PSPC1: variants seen among roughly 807,000 people sequenced by gnomAD.
PSPC1 encodes paraspeckle component 1.
In PSPC1, 14 loss-of-function variants were observed where a neutral mutation model predicts 51.6. That is an observed-to-expected ratio of 0.27 (90% confidence interval 0.18 to 0.42). The LOEUF (loss-of-function observed/expected upper bound fraction) is 0.42. PSPC1 is among the 10% of genes least tolerant of loss of function. The pLI is 1.00. For synonymous variants in PSPC1, 193 were observed against 231.9 expected (o/e 0.83, Z 1.53); for missense variants, 406 against 701.1 (o/e 0.58, Z 4.75).
At chr13:19,723,611 A>C (rs1408279919) in intron 6 of PSPC1, among the ~76,000 whole-genome samples, 1 of 152,216 alleles carries the variant, frequency 6.6e-6, no homozygotes, top group Non-Finnish European at 1.5e-5. Flanking sequence ...AGGAGTGATC[A>C]AATAACTCAA....
intron 4 of PSPC1, among the ~76,000 whole-genome samples, chr13:19,743,205 A>G (rs190786066): frequency 1.2e-4 from 19 of 152,320 alleles, no homozygotes; most frequent in Non-Finnish European, 1.5e-5. Context: ...AAATAATAAA[A>G]TGTTAAAATA....
At chr13:19,773,789 T>C (rs1888837048) in intron 1 of PSPC1, among the ~76,000 whole-genome samples, 1 of 151,724 alleles carries the variant, frequency 6.6e-6, no homozygotes, top group South Asian at 2.1e-4. Context: ...AGTAGCTGGG[T>C]TTCCGGGTGC....
chr13:19,732,324 G>A (rs1442845496), intron 5 of PSPC1, among the ~76,000 whole-genome samples: 1 of 152,012 alleles, frequency 6.6e-6, no homozygotes, highest in Non-Finnish European at 1.5e-5. Context: ...CACATTCATG[G>A]GTGTGGGTGG....
rs574226880 is a variant in PSPC1 at position 19,679,715 on chromosome 13, A to T, written c.1159-1892T>A. ...AGCATTTTATATCAGGAACTTCAGG[A>T]TCTGCAGATTTTGATATTCATGGGG... is the stretch of plus-strand genomic sequence containing the variant. On this transcript the variant is annotated intron_variant and NMD_transcript_variant, in intron 6 of 7. Coordinates refer to the PSPC1 transcript ENST00000471658. Among the ~76,000 whole-genome samples the T allele has an allele frequency of 5.9e-5, 9 of 152,266 alleles. No individual in the cohort carries two copies. The East Asian group carries it at 1.7e-3, about 29-fold the overall frequency.
chr13:19,710,742 T>C lies in PSPC1; in HGVS notation c.1159-1143A>G, dbSNP rs188164194. On this transcript the variant is annotated intron_variant, in intron 6 of 8. Transcript: ENST00000338910. The stretch of plus-strand genomic sequence containing the variant: ...TAATCCTAATGAAGCTACGGTACAA[T>C]GAATGAAGCTACGGTACAACAAAAA... 4.6e-3 allele frequency among the ~76,000 whole-genome samples: 694 copies of C among 152,226 alleles called. 5 individuals are homozygous for C. The highest frequency in any genetic ancestry group is 0.027 in the South Asian group (128 of 4,824).
intron 6 of PSPC1, among the ~76,000 whole-genome samples, chr13:19,694,511 A>G (rs1189983141): frequency 6.6e-6 from 1 of 152,240 alleles, no homozygotes; most frequent in African/African-American, 2.4e-5. Flanking sequence ...GAAATTTTAC[A>G]TTCTTTTCTT....
Position 19,709,615 on chromosome 13 carries a change from G to C in PSPC1, c.1159-16C>G. The C allele has an allele frequency of 1.3e-6, 2 of 1,580,596 alleles. No homozygotes were observed. The highest frequency in any genetic ancestry group is 1.7e-6 in the Non-Finnish European group (2 of 1,158,184). On this transcript the variant is annotated splice_polypyrimidine_tract_variant and intron_variant, in intron 6 of 8. Transcript: ENST00000338910. ...CCTGTTCTCTCTGTAAGTAAACATA[G>C]TTGTCACAGTCAACCTATCGATCTT... is the stretch of plus-strand genomic sequence containing the variant.
Position 19,746,421 on chromosome 13 carries a change from T to TA in PSPC1, c.968-4773dup, listed in dbSNP as rs566396837. Among the ~76,000 whole-genome samples, 718 of 146,438 alleles carry TA rather than the reference T, an allele frequency of 4.9e-3. 5 individuals carry two copies. Among genetic ancestry groups the TA allele is most frequent in the South Asian group, 0.028 (127 of 4,594 alleles). ...CGTCTCTAAATAAATAAATAAATGT[T>TA]AAAAAAAAATAAATGTAATGGAGCC... On this transcript the variant is annotated intron_variant, in intron 4 of 8. Coordinates refer to ENST00000338910, the MANE Select transcript of PSPC1 (RefSeq NM_001354909.2).
At chr13:19,751,516 A>T in intron 3 of PSPC1, 49 bp from the exon 4 acceptor site, 11 of 1,324,796 alleles carry the variant, frequency 8.3e-6, no homozygotes, top group Non-Finnish European at 1.1e-5. Flanking sequence ...AAGGTAAAAC[A>T]ACAACAAATG....
downstream of PSPC1, chr13:19,673,076 G>A (rs1237411407): frequency 1.4e-5 from 6 of 427,018 alleles, no homozygotes; most frequent in Non-Finnish European, 2.7e-5. Flanking sequence ...AAAGTTTCTT[G>A]GAACCTATAC....
At chr13:19,726,087 T>C (rs1451200442) in intron 6 of PSPC1, among the ~76,000 whole-genome samples, 2 of 152,056 alleles carry the variant, frequency 1.3e-5, no homozygotes, top group Non-Finnish European at 2.9e-5. Flanking sequence ...GCCCAGGAGT[T>C]TGAGGCTGTA....
At chr13:19,730,517 TA>T (rs1200289608) in intron 5 of PSPC1, among the ~76,000 whole-genome samples, 173 bp from the exon 6 acceptor site, 1 of 151,918 alleles carries the variant, frequency 6.6e-6, no homozygotes, top group Non-Finnish European at 1.5e-5. Context: ...AAGCCTTTAA[TA>T]AATCAAAAAA....
In PSPC1 at chr13:19,694,165, A is replaced by G. The variant is rs1426850240; in HGVS notation, c.1159-16342T>C. On this transcript the variant is annotated intron_variant and NMD_transcript_variant, in intron 6 of 7. Coordinates refer to the PSPC1 transcript ENST00000471658. Reference sequence around the variant, plus strand: ...AAAAAAAAAAACCATATATATATATATACATACACACATACACACACACAC... The same window carrying G: ...AAAAAAAAAAACCATATATATATATGTACATACACACATACACACACACAC... 3.4e-5 allele frequency among the ~76,000 whole-genome samples: 5 copies of G among 144,978 alleles called. No homozygotes were observed. In the East Asian group the frequency reaches 9.9e-4, roughly 29 times the overall value.
chr13:19,746,037 C>T (rs561408581), intron 4 of PSPC1, among the ~76,000 whole-genome samples: 3 of 144,114 alleles, frequency 2.1e-5, no homozygotes, highest in Non-Finnish European at 4.5e-5. Flanking sequence ...GACGGAGTCT[C>T]GCTCTGTCGC....
intron 2 of PSPC1, among the ~76,000 whole-genome samples, chr13:19,769,739 A>C (rs2138285852): frequency 6.6e-6 from 1 of 152,226 alleles, no homozygotes; most frequent in Admixed American, 6.5e-5. Flanking sequence ...TCCGTCTCAA[A>C]AAATAATAAT....
At chr13:19,724,339 G>T in intron 6 of PSPC1, among the ~76,000 whole-genome samples, 1 of 151,674 alleles carries the variant, frequency 6.6e-6, no homozygotes, top group East Asian at 1.9e-4. Flanking sequence ...TTACCAGATA[G>T]AGTTTCTGTT....
intron 6 of PSPC1, among the ~76,000 whole-genome samples, chr13:19,715,360 A>T (rs1418961494): frequency 2.6e-5 from 4 of 152,232 alleles, no homozygotes; most frequent in African/African-American, 9.6e-5. Context: ...GTGGCATGGT[A>T]AACATGCCAC....
chr13:19,674,093 G>T (rs1159560276), downstream of PSPC1, among the ~76,000 whole-genome samples: 1 of 152,204 alleles, frequency 6.6e-6, no homozygotes, highest in Non-Finnish European at 1.5e-5. Flanking sequence ...CATGGCTGTG[G>T]CCAGACTCGC....
chr13:19,686,185 C>A (rs1877855929), intron 6 of PSPC1, among the ~76,000 whole-genome samples: 1 of 152,170 alleles, frequency 6.6e-6, no homozygotes, highest in Non-Finnish European at 1.5e-5. Context: ...GCTGAATTCC[C>A]ATTTTATTCA....
Sources: gnomAD v4.1 joint callset for allele counts (sites outside exome capture counted in the v4.1 genomes callset) on GRCh38, gnomAD v4.1.1 for gene constraint, MANE v1.5 for transcripts, NCBI Gene and HGNC (gene_info 2026-07-23, HGNC 2026-07-21) for gene names.